The following PARN variants were observed in gnomAD, a reference collection of about 807,000 sequenced individuals.
PARN encodes poly(A)-specific ribonuclease.
A neutral mutation model predicts 102.8 loss-of-function variants in PARN; 71 were observed. That is an observed-to-expected ratio of 0.69 (90% CI 0.57 to 0.84). The LOEUF (loss-of-function observed/expected upper bound fraction) is 0.84, where lower values mean the gene tolerates loss of function less well. Among genes scored for constraint, PARN ranks in the 40% least tolerant of loss-of-function variants. PARN has a pLI of 0.00. For synonymous variants in PARN, 261 were observed against 252.9 expected, an observed-to-expected ratio of 1.03 and a Z score of -0.30; for missense variants, 782 against 760.9, an observed-to-expected ratio of 1.03 and a Z score of -0.33.
intron 22 of PARN, among the ~76,000 whole-genome samples, chr16:14,456,416 C>T (rs1020681405): frequency 6.6e-6 from 1 of 152,096 alleles, no homozygotes; most frequent in Non-Finnish European, 1.5e-5. Context: ...TCAACTGATC[C>T]TCCCTCCTTG....
Position 14,458,380 on chromosome 16 carries a change from C to A in PARN, c.1671-11299G>T, listed in dbSNP as rs374071389. Among the ~76,000 whole-genome samples, 14 of 152,206 alleles carry A rather than the reference C, an allele frequency of 9.2e-5. No homozygotes were observed. The East Asian group carries it at 2.1e-3, about 23-fold the overall frequency. On this transcript the variant is annotated intron_variant, in intron 22 of 23. Coordinates refer to ENST00000437198, the MANE Select transcript of PARN (RefSeq NM_002582.4). ...TAAGAAAAACAAAACATCATCCCTG[C>A]AAACCAAAAGGCCAACTATTTCAGA...
At chr16:14,593,492 TAAAAAAAAA>T (rs35329440) in intron 12 of PARN, 114 bp from the exon 13 acceptor site, 755 of 31,806 alleles carry the variant, frequency 0.024, 4 homozygotes, top group Middle Eastern at 0.094. Context: ...TTTCCAGACT[TAAAAAAAAA>T]AAAAAAAAAA....
intron 21 of PARN, among the ~76,000 whole-genome samples, chr16:14,547,052 A>G (rs1008512866): frequency 6.6e-6 from 1 of 151,710 alleles, no homozygotes; most frequent in Non-Finnish European, 1.5e-5. Flanking sequence ...AAGATCGCAC[A>G]ACGGCACTTC....
At chr16:14,572,441 A>G (rs977819245) in intron 18 of PARN, among the ~76,000 whole-genome samples, 4 of 152,134 alleles carry the variant, frequency 2.6e-5, no homozygotes, top group Non-Finnish European at 5.9e-5. Flanking sequence ...AAGCACATGC[A>G]TATTACAAGA....
chr16:14,449,211 A>G (rs1019046997), intron 22 of PARN, among the ~76,000 whole-genome samples: 2 of 152,174 alleles, frequency 1.3e-5, no homozygotes, highest in East Asian at 3.8e-4. Flanking sequence ...AAAGTCTAGA[A>G]ATAGCCCCAA....
Position 14,608,270 on chromosome 16 carries a change from T to G in PARN, c.659+11A>C. 6.6e-7 allele frequency: 1 copy of G among 1,523,114 alleles called. No homozygotes were observed. Among genetic ancestry groups the G allele is most frequent in the South Asian group, 1.2e-5 (1 of 83,004 alleles). 94.3% of individuals were successfully genotyped at this position (1,523,114 alleles called of 1,614,324 possible). On this transcript the variant is annotated intron_variant, in intron 9 of 23. Transcript: ENST00000437198. ...CCCCACAGAGCTGCTGCATACAATA[T>G]AAATACTTACTTCCAGCTCAAAGTC...
At chr16:14,619,895 C>A (rs1972185329) in intron 5 of PARN, among the ~76,000 whole-genome samples, 1 of 151,052 alleles carries the variant, frequency 6.6e-6, no homozygotes, top group African/African-American at 2.4e-5. Context: ...CATGGTGAAA[C>A]CCCGTCTCTA....
intron 6 of PARN, among the ~76,000 whole-genome samples, chr16:14,614,035 G>A (rs190551779): frequency 5.3e-5 from 8 of 152,174 alleles, no homozygotes; most frequent in Admixed American, 2.6e-4. Context: ...AGGGGGTGGC[G>A]GCAGGAATAC....
chr16:14,448,151 A>AT (rs147629404), intron 22 of PARN, among the ~76,000 whole-genome samples: 4,986 of 142,484 alleles, frequency 0.035, 119 homozygotes, highest in East Asian at 0.061. Flanking sequence ...TGTCTGGCTA[A>AT]TTTTTTTTTT....
chr16:14,598,473 T>G (rs1225474085), intron 12 of PARN, among the ~76,000 whole-genome samples: 2 of 152,136 alleles, frequency 1.3e-5, no homozygotes, highest in East Asian at 3.9e-4. Context: ...GTTCCGTATC[T>G]CTGAATTTTA....
At chr16:14,601,741 G>A (rs1274856397) in intron 11 of PARN, 1 of 151,746 alleles carries the variant, frequency 6.6e-6, no homozygotes, top group Non-Finnish European at 1.5e-5. Flanking sequence ...TGGCCAACAT[G>A]GCGAAACCCC....
At chr16:14,547,238 T>C (rs1464880643) in intron 21 of PARN, among the ~76,000 whole-genome samples, 1 of 152,070 alleles carries the variant, frequency 6.6e-6, no homozygotes, top group Non-Finnish European at 1.5e-5. Flanking sequence ...GGGGGAATAA[T>C]GCTAAATGCA....
At chr16:14,454,673 G>A (rs1397898253) in intron 22 of PARN, among the ~76,000 whole-genome samples, 1 of 152,070 alleles carries the variant, frequency 6.6e-6, no homozygotes, top group Non-Finnish European at 1.5e-5. Flanking sequence ...GCCTTCCTTC[G>A]CCTACTGGAT....
chr16:14,561,889 C>T (rs774483634), intron 18 of PARN, among the ~76,000 whole-genome samples: 2 of 152,250 alleles, frequency 1.3e-5, no homozygotes, highest in African/African-American at 2.4e-5. Context: ...CAGTGGCTTA[C>T]GCCTGTAATC....
intron 3 of PARN, among the ~76,000 whole-genome samples, chr16:14,627,543 A>G (rs1972753586): frequency 6.6e-6 from 1 of 152,218 alleles, no homozygotes; most frequent in African/African-American, 2.4e-5. Flanking sequence ...CTATTTATCC[A>G]TCATCCAAAG....
At chr16:14,523,132 A>C (rs1030588423) in intron 21 of PARN, among the ~76,000 whole-genome samples, 3 of 150,652 alleles carry the variant, frequency 2.0e-5, no homozygotes, top group Non-Finnish European at 4.5e-5. Flanking sequence ...AGTTCAGGAC[A>C]AAAAAACCCC....
chr16:14,529,648 T>C (rs1274245487), intron 21 of PARN, among the ~76,000 whole-genome samples: 2 of 152,140 alleles, frequency 1.3e-5, no homozygotes, highest in Non-Finnish European at 2.9e-5. Context: ...AGTCCAAATT[T>C]GATGGCCAGC....
chr16:14,481,503 A>G (rs769535486), intron 22 of PARN, among the ~76,000 whole-genome samples: 9 of 152,226 alleles, frequency 5.9e-5, no homozygotes, highest in Non-Finnish European at 1.3e-4. Flanking sequence ...AACAGACACA[A>G]GGAAATTCAA....
intron 21 of PARN, among the ~76,000 whole-genome samples, chr16:14,497,982 G>C (rs1964402643): frequency 6.6e-6 from 1 of 152,064 alleles, no homozygotes; most frequent in Admixed American, 6.6e-5. Flanking sequence ...AAATGAGCTG[G>C]GTGTGGTGGC....
Sources: gnomAD v4.1 joint callset for allele counts (sites outside exome capture counted in the v4.1 genomes callset) on GRCh38, gnomAD v4.1.1 for gene constraint, MANE v1.5 for transcripts, NCBI Gene and HGNC (gene_info 2026-07-23, HGNC 2026-07-21) for gene names.